NRG1: variants seen among roughly 807,000 people sequenced by gnomAD.
The protein encoded by NRG1 is pro-neuregulin-1, membrane-bound isoform.
Under a neutral mutation model 63.8 loss-of-function variants are expected in NRG1, and 18 were observed. The ratio of observed to expected loss-of-function variants is 0.28; its 90% confidence interval spans 0.19 to 0.42. The LOEUF is 0.42. Ranked by LOEUF, NRG1 falls within the 10% of genes least tolerant of loss-of-function variation. The pLI is 1.00. For synonymous variants in NRG1, 302 were observed against 301.3 expected (o/e 1.00, Z -0.02); for missense variants, 762 against 814.7 (o/e 0.94, Z 0.79).
chr8:32,282,176 C>G (rs888236934), intron 1 of NRG1, among the ~76,000 whole-genome samples: 1 of 152,174 alleles, frequency 6.6e-6, no homozygotes. Flanking sequence ...GCACCACAAA[C>G]ACAGGTGGTG....
At chr8:32,202,506 T>A (rs559204650) in intron 1 of NRG1, among the ~76,000 whole-genome samples, 1 of 152,268 alleles carries the variant, frequency 6.6e-6, no homozygotes, top group African/African-American at 2.4e-5. Flanking sequence ...AACAGCTCAG[T>A]GAAAAGTCAG....
At chr8:31,743,233 T>C (rs1219111408) in intron 1 of NRG1, among the ~76,000 whole-genome samples, 1 of 151,946 alleles carries the variant, frequency 6.6e-6, no homozygotes, top group Non-Finnish European at 1.5e-5. Flanking sequence ...TAACATTCAC[T>C]GGTACATGGA....
intron 1 of NRG1, among the ~76,000 whole-genome samples, chr8:32,578,242 C>T (rs1364596659): frequency 6.6e-6 from 1 of 152,180 alleles, no homozygotes; most frequent in East Asian, 1.9e-4. Context: ...GATCCACCCG[C>T]CTCAGCCTTC....
intron 1 of NRG1, among the ~76,000 whole-genome samples, chr8:32,096,143 G>T (rs1829875617): frequency 6.6e-6 from 1 of 152,182 alleles, no homozygotes; most frequent in Non-Finnish European, 1.5e-5. Flanking sequence ...AAAGGAGTTT[G>T]CATTGTATTT....
intron 1 of NRG1, among the ~76,000 whole-genome samples, chr8:32,129,073 A>G (rs1834467338): frequency 1.3e-5 from 2 of 151,990 alleles, no homozygotes; most frequent in African/African-American, 2.4e-5. Context: ...CCTCTGGACC[A>G]TGTTTTATCC....
intron 1 of NRG1, among the ~76,000 whole-genome samples, chr8:32,235,340 T>C (rs75920569): frequency 0.028 from 4,272 of 151,436 alleles, 189 homozygotes; most frequent in African/African-American, 0.098. Context: ...CAGAGTTACA[T>C]TGAGCTGAGA....
At chr8:32,434,535 C>T (rs995863168) in intron 1 of NRG1, among the ~76,000 whole-genome samples, 9 of 152,226 alleles carry the variant, frequency 5.9e-5, no homozygotes, top group African/African-American at 1.7e-4. Flanking sequence ...AAGCCCAGAT[C>T]GGGACCCACC....
At chr8:32,771,274 C>T (rs907354824), downstream of NRG1, among the ~76,000 whole-genome samples, 9 of 120,972 alleles carry the variant, frequency 7.4e-5, no homozygotes, top group East Asian at 2.7e-4. Flanking sequence ...CCATGCCCAG[C>T]GATTTTTTTT....
In NRG1 at chr8:31,740,936, C is replaced by G. The variant is rs145554412; in HGVS notation, c.37+101505C>G. Among the ~76,000 whole-genome samples, 606 of 152,138 alleles carry G rather than the reference C, an allele frequency of 4.0e-3. 2 individuals are homozygous for G. The highest frequency in any genetic ancestry group is 0.012 in the African/African-American group (511 of 41,544). On this transcript the variant is annotated intron_variant, in intron 1 of 10. Coordinates refer to the NRG1 transcript ENST00000519301. ...ATGCACTTGCATGTTCATCACAGCA[C>G]TATTCACAGTAGCAAAGACATGGAA...
intron 1 of NRG1, among the ~76,000 whole-genome samples, chr8:32,043,177 C>A (rs1259688000): frequency 1.3e-5 from 2 of 151,382 alleles, no homozygotes; most frequent in African/African-American, 4.9e-5. Flanking sequence ...CAAAGAGAAA[C>A]CTTGAAAAAA....
chr8:32,052,271 G>GTTTTTTTTTTTTTTTTTTTTTTTTTT (rs5890615), intron 1 of NRG1, among the ~76,000 whole-genome samples: 1 of 91,410 alleles, frequency 1.1e-5, no homozygotes, highest in Non-Finnish European at 2.2e-5. Flanking sequence ...CTTTCCTCCT[G>GTTTTTTTTTTTTTTTTTTTTTTTTTT]TTTTTTTTTT....
intron 1 of NRG1, among the ~76,000 whole-genome samples, chr8:32,349,590 C>T (rs1339381012): frequency 6.6e-6 from 1 of 152,124 alleles, no homozygotes; most frequent in African/African-American, 2.4e-5. Flanking sequence ...ACAAGGTATT[C>T]AAAGATCTAA....
intron 1 of NRG1, among the ~76,000 whole-genome samples, chr8:32,462,595 C>CTTTTT (rs58485445): frequency 2.5e-3 from 178 of 72,272 alleles, no homozygotes; most frequent in Non-Finnish European, 3.1e-3. Context: ...CACACTGATT[C>CTTTTT]TTTTTTTTTT....
At chr8:31,730,821 A>G (rs944771933) in intron 1 of NRG1, among the ~76,000 whole-genome samples, 6 of 152,190 alleles carry the variant, frequency 3.9e-5, no homozygotes, top group African/African-American at 1.2e-4. Flanking sequence ...AAAAGTCAAT[A>G]TAAGTAAAAT....
At chr8:32,189,097 G>A (rs1311380685) in intron 1 of NRG1, among the ~76,000 whole-genome samples, 2 of 152,100 alleles carry the variant, frequency 1.3e-5, no homozygotes, top group Admixed American at 6.6e-5. Flanking sequence ...AGAACTGTAA[G>A]ATAACCTGTG....
At chr8:32,508,586 C>T (rs538940864) in intron 1 of NRG1, among the ~76,000 whole-genome samples, 7 of 152,196 alleles carry the variant, frequency 4.6e-5, no homozygotes, top group East Asian at 3.9e-4. Context: ...CGTGAGCCAC[C>T]GCGCCTGGCC....
chr8:31,995,060 T>G (rs1436401190), intron 1 of NRG1, among the ~76,000 whole-genome samples: 1 of 151,994 alleles, frequency 6.6e-6, no homozygotes, highest in Non-Finnish European at 1.5e-5. Context: ...TAAAGTTTAT[T>G]CCCATATTAT....
chr8:32,049,741 A>T (rs1371990374), intron 1 of NRG1, among the ~76,000 whole-genome samples: 4 of 152,118 alleles, frequency 2.6e-5, no homozygotes, highest in Non-Finnish European at 5.9e-5. Context: ...TATTCTACAA[A>T]CCTTTGCTAA....
chr8:32,020,189 T>G (rs545809587), intron 1 of NRG1, among the ~76,000 whole-genome samples: 1 of 152,314 alleles, frequency 6.6e-6, no homozygotes, highest in African/African-American at 2.4e-5. Flanking sequence ...TTCACTAATG[T>G]GTTCTATTTT....
Sources: gnomAD v4.1 joint callset for allele counts (sites outside exome capture counted in the v4.1 genomes callset) on GRCh38, gnomAD v4.1.1 for gene constraint, MANE v1.5 for transcripts, NCBI Gene and HGNC (gene_info 2026-07-23, HGNC 2026-07-21) for gene names.